Variants in TMEM135 observed in about 807,000 individuals in gnomAD.
The protein encoded by TMEM135 is transmembrane protein 135.
In TMEM135, 30 loss-of-function variants were observed where a neutral mutation model predicts 60.3. The ratio of observed to expected loss-of-function variants is 0.50; its 90% CI spans 0.37 to 0.68. TMEM135 has a LOEUF of 0.68. Ranked by LOEUF, TMEM135 falls within the 30% of genes least tolerant of loss-of-function variation. The pLI, the probability that TMEM135 is intolerant of heterozygous loss-of-function variation, is 0.00. For missense variants in TMEM135, 468 were observed against 548.8 expected (o/e 0.85, Z 1.47); for synonymous variants, 190 against 186.7 (o/e 1.02, Z -0.14).
intron 4 of TMEM135, 149 bp from the exon 5 acceptor site, chr11:87,157,192 T>C (rs923998437): frequency 3.4e-5 from 23 of 669,686 alleles, no homozygotes; most frequent in Admixed American, 3.3e-4. Flanking sequence ...TAGCTAGGAC[T>C]ATAGGCATAT....
chr11:87,255,422 T>G (rs1941506593), intron 6 of TMEM135, among the ~76,000 whole-genome samples: 1 of 152,208 alleles, frequency 6.6e-6, no homozygotes, highest in Admixed American at 6.5e-5. Context: ...TCTTCATTAT[T>G]TATATCTTTC....
chr11:87,285,076 CAAAAAT>C (rs1942138985), intron 6 of TMEM135, among the ~76,000 whole-genome samples: 1 of 151,972 alleles, frequency 6.6e-6, no homozygotes. Flanking sequence ...CAAAACAAAA[CAAAAAT>C]AAAAGTCTGA....
At chr11:87,075,780 T>A (rs1328234288) in intron 3 of TMEM135, among the ~76,000 whole-genome samples, 1 of 152,234 alleles carries the variant, frequency 6.6e-6, no homozygotes, top group Non-Finnish European at 1.5e-5. Flanking sequence ...TTTGCTGACG[T>A]GTAGAGGTAC....
At chr11:87,171,914 G>A (rs1939247495) in intron 5 of TMEM135, among the ~76,000 whole-genome samples, 1 of 152,138 alleles carries the variant, frequency 6.6e-6, no homozygotes, top group African/African-American at 2.4e-5. Flanking sequence ...AGGATCTGCT[G>A]CCACAGCTGA....
At chr11:87,061,450 T>C (rs1949946377) in intron 1 of TMEM135, among the ~76,000 whole-genome samples, 1 of 152,198 alleles carries the variant, frequency 6.6e-6, no homozygotes, top group African/African-American at 2.4e-5. Flanking sequence ...TTTAAAGAAA[T>C]CATTTTTTGC....
At chr11:87,263,042 T>C (rs1175780141) in intron 6 of TMEM135, among the ~76,000 whole-genome samples, 2 of 152,070 alleles carry the variant, frequency 1.3e-5, no homozygotes, top group Non-Finnish European at 2.9e-5. Flanking sequence ...TTATGTAATA[T>C]GTAAGCCAGT....
At chr11:87,290,252 A>G (rs974631664) in intron 6 of TMEM135, among the ~76,000 whole-genome samples, 5 of 151,728 alleles carry the variant, frequency 3.3e-5, no homozygotes, top group African/African-American at 1.2e-4. Context: ...GTTGGTGCCA[A>G]ACAATGGGGT....
intron 4 of TMEM135, among the ~76,000 whole-genome samples, chr11:87,156,498 G>A (rs1415255702): frequency 6.6e-6 from 1 of 152,040 alleles, no homozygotes; most frequent in Non-Finnish European, 1.5e-5. Context: ...AGCACAGGAT[G>A]TCTTTTTATT....
At chr11:87,062,862 T>A in intron 1 of TMEM135, among the ~76,000 whole-genome samples, 1 of 152,224 alleles carries the variant, frequency 6.6e-6, no homozygotes, top group East Asian at 1.9e-4. Flanking sequence ...GAGATTGAAA[T>A]CTAAACAGCA....
chr11:87,167,755 T>C (rs1939100711), intron 5 of TMEM135, among the ~76,000 whole-genome samples: 1 of 152,186 alleles, frequency 6.6e-6, no homozygotes, highest in South Asian at 2.1e-4. Flanking sequence ...TCAGGGATAT[T>C]GGCCTGAAAT....
chr11:87,315,507 C>G (rs571032762), intron 12 of TMEM135, among the ~76,000 whole-genome samples: 1 of 151,856 alleles, frequency 6.6e-6, no homozygotes, highest in East Asian at 1.9e-4. Flanking sequence ...GTTGATAGAG[C>G]CAACATAAGG....
intron 5 of TMEM135, among the ~76,000 whole-genome samples, chr11:87,175,979 A>T (rs1302821066): frequency 6.6e-6 from 1 of 152,178 alleles, no homozygotes; most frequent in Non-Finnish European, 1.5e-5. Context: ...AACTTTATAC[A>T]TATGTGTATG....
intron 1 of TMEM135, among the ~76,000 whole-genome samples, chr11:87,063,304 G>C (rs1209416642): frequency 6.6e-6 from 1 of 152,042 alleles, no homozygotes; most frequent in South Asian, 2.1e-4. Context: ...TAACCATAGT[G>C]GTATGATGTG....
At chr11:87,133,754 A>G (rs1026479655) in intron 4 of TMEM135, among the ~76,000 whole-genome samples, 1 of 151,778 alleles carries the variant, frequency 6.6e-6, no homozygotes, top group Non-Finnish European at 1.5e-5. Context: ...ATTAGTTTGC[A>G]TTTTCTGGAG....
At chr11:87,045,092 C>T (rs542582321) in intron 1 of TMEM135, among the ~76,000 whole-genome samples, 21 of 152,018 alleles carry the variant, frequency 1.4e-4, no homozygotes, top group African/African-American at 4.3e-4. Context: ...TGCGGTGGCG[C>T]GATCTAGGCT....
At chr11:87,188,428 G>T (rs654451) in intron 5 of TMEM135, among the ~76,000 whole-genome samples, 19,995 of 151,986 alleles carry the variant, frequency 0.13, 1,368 homozygotes, top group Non-Finnish European at 0.15. Context: ...CGGCCTGGGC[G>T]TGGTAGCTCA....
chr11:87,097,875 C>T (rs974518475), intron 4 of TMEM135, among the ~76,000 whole-genome samples: 3 of 152,334 alleles, frequency 2.0e-5, no homozygotes, highest in Admixed American at 1.3e-4. Flanking sequence ...AGTCACCCTT[C>T]ATGTAACTTA....
At chr11:87,152,433 C>T (rs1938580414) in intron 4 of TMEM135, among the ~76,000 whole-genome samples, 1 of 152,016 alleles carries the variant, frequency 6.6e-6, no homozygotes, top group South Asian at 2.1e-4. Context: ...TTTTATTTTT[C>T]TGGAATGCCT....
At chr11:87,060,582 C>A (rs1482752377) in intron 1 of TMEM135, among the ~76,000 whole-genome samples, 1 of 152,064 alleles carries the variant, frequency 6.6e-6, no homozygotes, top group African/African-American at 2.4e-5. Flanking sequence ...GACTTCAATC[C>A]CTGCTCTGCC....
Sources: gnomAD v4.1 joint callset for allele counts (sites outside exome capture counted in the v4.1 genomes callset) on GRCh38, gnomAD v4.1.1 for gene constraint, MANE v1.5 for transcripts, NCBI Gene and HGNC (gene_info 2026-07-23, HGNC 2026-07-21) for gene names.